HOOK3: variants seen among roughly 807,000 people sequenced by gnomAD.
HOOK3 encodes hook microtubule tethering protein 3, also known as protein Hook homolog 3.
HOOK3 carries 24 observed loss-of-function variants against 116.3 expected under a neutral mutation model. The observed-to-expected ratio is 0.21, with a 90% CI of 0.15 to 0.29. The LOEUF is 0.29. Ranked by LOEUF, HOOK3 falls within the 10% of genes least tolerant of loss-of-function variation. The pLI is 1.00. For synonymous variants in HOOK3, 275 were observed against 283.0 expected (o/e 0.97, Z 0.28); for missense variants, 632 against 830.2 (o/e 0.76, Z 2.93).
intron 4 of HOOK3, among the ~76,000 whole-genome samples, chr8:42,933,832 ATC>A (rs1458654929): frequency 3.3e-5 from 5 of 152,242 alleles, no homozygotes; most frequent in African/African-American, 1.2e-4. Context: ...TGCTGCTGAC[ATC>A]TCTCATGTGG....
chr8:43,007,399 C>T lies in HOOK3; in HGVS notation c.1656-448C>T, dbSNP rs933824233. Among the ~76,000 whole-genome samples, 14 of 152,264 alleles carry T rather than the reference C, an allele frequency of 9.2e-5. No homozygotes were observed. In the East Asian group the frequency reaches 1.3e-3, roughly 15 times the overall value. On this transcript the variant is annotated intron_variant, in intron 17 of 21. Transcript: ENST00000307602. ...TTAACATCAGTGTACGTAACAGAATCGTACATTGTTACCGCTTTGACTTCC... is the reference window on the plus strand; with the variant it reads ...TTAACATCAGTGTACGTAACAGAATTGTACATTGTTACCGCTTTGACTTCC...
chr8:42,904,524 G>T (rs1807263769), intron 1 of HOOK3, among the ~76,000 whole-genome samples: 1 of 151,850 alleles, frequency 6.6e-6, no homozygotes, highest in African/African-American at 2.4e-5. Context: ...TGTTAGTCAG[G>T]ATGGTTCTGA....
At chr8:42,989,738 A>C (rs965636594) in intron 15 of HOOK3, among the ~76,000 whole-genome samples, 1 of 151,992 alleles carries the variant, frequency 6.6e-6, no homozygotes, top group African/African-American at 2.4e-5. Flanking sequence ...ACCTCTCCCC[A>C]CTACCCTTCC....
chr8:42,918,481 A>T (rs969898801), intron 2 of HOOK3, among the ~76,000 whole-genome samples: 1 of 150,854 alleles, frequency 6.6e-6, no homozygotes, highest in African/African-American at 2.4e-5. Context: ...GGAGAGGGGG[A>T]TTTGGCAGGG....
chr8:42,941,937 A>T (rs1808135976), intron 4 of HOOK3, among the ~76,000 whole-genome samples: 1 of 152,180 alleles, frequency 6.6e-6, no homozygotes, highest in African/African-American at 2.4e-5. Flanking sequence ...TTGACTTAGC[A>T]TAGAGGGCTT....
chr8:42,945,914 ATAATATAAT>A (rs1329623107), intron 5 of HOOK3, among the ~76,000 whole-genome samples: 10 of 152,110 alleles, frequency 6.6e-5, no homozygotes, highest in Admixed American at 1.3e-4. Flanking sequence ...TATATAGATA[ATAATATAAT>A]TAATATCTTT....
rs760552916 is a variant in HOOK3 at position 42,906,123 on chromosome 8, A to G, written c.58-50A>G. The G allele has an allele frequency of 4.4e-6, 4 of 919,114 alleles. No individual in the cohort carries two copies. The Admixed American group carries it at 8.6e-5, about 20-fold the overall frequency. The allele number at this position is 919,114 out of a possible 1,614,324, so 56.9% of individuals were successfully genotyped here. ...AAAAAAAAGGCCTAAGAAATTTTCT[A>G]CAGAGGTAACCACAGAATCTCTCCC... On this transcript the variant is annotated intron_variant, in intron 1 of 21. Coordinates refer to ENST00000307602, the MANE Select transcript of HOOK3 (RefSeq NM_032410.4).
chr8:43,028,190 C>A lies in HOOK3; in HGVS notation c.*9692C>A, dbSNP rs1465779753. ...TGTTTTTTCCCTTTTTATGTAAACT[C>A]TTTTAAAATTGATATTAGCTGGGCA... On this transcript the variant is annotated 3_prime_UTR_variant, in exon 22 of 22. Coordinates refer to ENST00000307602, the MANE Select transcript of HOOK3 (RefSeq NM_032410.4). 1.1e-5 allele frequency: 2 copies of A among 181,816 alleles called. No individual in the cohort carries two copies. The highest frequency in any genetic ancestry group is 4.7e-5 in the African/African-American group (2 of 42,428). The allele number at this position is 181,816 out of a possible 1,614,324, so 11.3% of individuals were successfully genotyped here. A position where few individuals can be genotyped will look rare whatever the true frequency, so the allele number is the denominator to read the frequency against.
Position 42,986,812 on chromosome 8 carries a change from G to A in HOOK3, c.1532+17G>A. On this transcript the variant is annotated intron_variant, in intron 15 of 21. Transcript: ENST00000307602. ...AGAGAATAGGTAGAGTATTATAGGT[G>A]GCCGCATCTGGCTATAAGTTTTCCC... is the stretch of plus-strand genomic sequence containing the variant. The A allele has an allele frequency of 6.2e-7, 1 of 1,607,828 alleles. No homozygotes were observed. Among genetic ancestry groups the A allele is most frequent in the South Asian group, 1.1e-5 (1 of 89,718 alleles).
chr8:42,899,342 C>T (rs1440603419), intron 1 of HOOK3, among the ~76,000 whole-genome samples: 1 of 152,106 alleles, frequency 6.6e-6, no homozygotes, highest in Admixed American at 6.5e-5. Context: ...TCACTGGAAA[C>T]TCATCAATGA....
rs1809786678 is a variant in HOOK3 at position 43,019,644 on chromosome 8, A to G, written c.*1146A>G. 4.9e-6 allele frequency: 1 copy of G among 204,302 alleles called. No individual in the cohort carries two copies. The highest frequency in any genetic ancestry group is 6.0e-5 in the Admixed American group (1 of 16,732). 12.7% of individuals were successfully genotyped at this position (204,302 alleles called of 1,614,324 possible). A position where few individuals can be genotyped will look rare whatever the true frequency, so the allele number is the denominator to read the frequency against. On this transcript the variant is annotated 3_prime_UTR_variant, in exon 22 of 22. Transcript: ENST00000307602. ...TGCCTCAAAGTGCTTACATTTGTTA[A>G]CAGATTGTAAACCACATTTATTTAC...
intron 4 of HOOK3, among the ~76,000 whole-genome samples, chr8:42,932,260 C>T (rs921104412): frequency 1.3e-5 from 2 of 151,934 alleles, no homozygotes; most frequent in Non-Finnish European, 2.9e-5. Context: ...ATGTTTTTTT[C>T]CTTCGACCAG....
intron 7 of HOOK3, 68 bp from the exon 8 acceptor site, chr8:42,959,163 G>A (rs1161302364): frequency 1.9e-6 from 2 of 1,035,592 alleles, no homozygotes; most frequent in South Asian, 2.7e-5. Flanking sequence ...TTAATTCTGT[G>A]TTGAACATAC....
intron 2 of HOOK3, among the ~76,000 whole-genome samples, chr8:42,914,986 A>G (rs1442968903): frequency 6.6e-6 from 1 of 152,134 alleles, no homozygotes; most frequent in African/African-American, 2.4e-5. Flanking sequence ...CCAGAGATGT[A>G]TAGAAATTAC....
intron 4 of HOOK3, among the ~76,000 whole-genome samples, chr8:42,940,476 G>T (rs1161937947): frequency 6.6e-6 from 1 of 152,138 alleles, no homozygotes; most frequent in Non-Finnish European, 1.5e-5. Context: ...ACCGTGGAAA[G>T]AGAGGGAGAG....
chr8:42,966,386 C>G, intron 9 of HOOK3, 87 bp from the exon 10 acceptor site: 1 of 1,390,270 alleles, frequency 7.2e-7, no homozygotes, highest in Non-Finnish European at 9.8e-7. Flanking sequence ...GCTTTATTCT[C>G]ATGCTTTATA....
chr8:43,004,236 G>T (rs946928787), intron 17 of HOOK3, among the ~76,000 whole-genome samples: 1 of 151,178 alleles, frequency 6.6e-6, no homozygotes, highest in Non-Finnish European at 1.5e-5. Context: ...GCATGGTGGC[G>T]TGCACCTGTA....
chr8:42,963,491 C>T (rs957710246), intron 8 of HOOK3, among the ~76,000 whole-genome samples: 6 of 152,320 alleles, frequency 3.9e-5, no homozygotes, highest in Middle Eastern at 3.4e-3. Context: ...CCTAAGTCTT[C>T]GTGTGGGCGT....
At chr8:42,905,828 G>C (rs1406234702) in intron 1 of HOOK3, among the ~76,000 whole-genome samples, 1 of 150,680 alleles carries the variant, frequency 6.6e-6, no homozygotes, top group Non-Finnish European at 1.5e-5. Context: ...GCTCACACCT[G>C]TAATCCCAGC....
Sources: allele counts gnomAD v4.1 joint callset (sites outside exome capture counted in the v4.1 genomes callset), GRCh38; gene constraint gnomAD v4.1.1; transcripts MANE v1.5; gene names NCBI Gene and HGNC (gene_info 2026-07-23, HGNC 2026-07-21).